The following GDAP1 variants were observed in gnomAD, a reference collection of about 807,000 sequenced individuals.
The protein encoded by GDAP1 is ganglioside-induced differentiation-associated protein 1.
GDAP1 carries 34 observed loss-of-function variants against 40.1 expected under a neutral mutation model. The ratio of observed to expected loss-of-function variants is 0.85; its 90% CI spans 0.64 to 1.13. GDAP1 has a LOEUF of 1.13. Among genes scored for constraint, GDAP1 ranks in the 50% most tolerant of loss-of-function variants. The pLI, the probability that GDAP1 is intolerant of heterozygous loss-of-function variation, is 0.00. For missense variants in GDAP1, 374 were observed against 433.7 expected, an observed-to-expected ratio of 0.86 and a Z score of 1.22; for synonymous variants, 170 against 157.4, an observed-to-expected ratio of 1.08 and a Z score of -0.60.
chr8:74,455,468 G>A (rs2131577787), intron 2 of GDAP1, among the ~76,000 whole-genome samples: 1 of 151,912 alleles, frequency 6.6e-6, no homozygotes, highest in East Asian at 1.9e-4. Flanking sequence ...ATATGTGAAA[G>A]GATATGACCC....
At chr8:74,403,268 A>G (rs1312459583) in intron 2 of GDAP1, among the ~76,000 whole-genome samples, 2 of 150,224 alleles carry the variant, frequency 1.3e-5, no homozygotes, top group African/African-American at 5.1e-5. Flanking sequence ...TGGAGTCTCC[A>G]TCCTACCAAT....
intron 2 of GDAP1, among the ~76,000 whole-genome samples, chr8:74,472,506 T>C (rs1392858823): frequency 1.3e-5 from 2 of 152,208 alleles, no homozygotes; most frequent in Non-Finnish European, 1.5e-5. Context: ...TTTTGAGCAA[T>C]TGCCACACTG....
intron 2 of GDAP1, among the ~76,000 whole-genome samples, chr8:74,439,519 T>C (rs1010758454): frequency 6.6e-6 from 1 of 152,036 alleles, no homozygotes; most frequent in Admixed American, 6.6e-5. Context: ...TTATAATAGG[T>C]CTTCATATCT....
chr8:74,373,383 C>T (rs1268800601), intron 2 of GDAP1, among the ~76,000 whole-genome samples: 5 of 152,280 alleles, frequency 3.3e-5, no homozygotes, highest in East Asian at 1.9e-4. Flanking sequence ...TTCTTCCTAT[C>T]GATGAGCATG....
chr8:74,386,129 T>G (rs1224279340), intron 2 of GDAP1, among the ~76,000 whole-genome samples: 3 of 152,212 alleles, frequency 2.0e-5, no homozygotes, highest in Non-Finnish European at 2.9e-5. Flanking sequence ...TTTTCTCCCA[T>G]TCTGTAGGTT....
intron 2 of GDAP1, among the ~76,000 whole-genome samples, chr8:74,353,629 A>G (rs936736569): frequency 2.0e-5 from 3 of 152,196 alleles, no homozygotes; most frequent in Non-Finnish European, 4.4e-5. Flanking sequence ...AACCCTTGCT[A>G]CTAATTGTAT....
At chr8:74,482,542 T>A (rs954590129) in intron 2 of GDAP1, among the ~76,000 whole-genome samples, 21 of 152,066 alleles carry the variant, frequency 1.4e-4, no homozygotes, top group Admixed American at 1.2e-3. Context: ...TGAAAAAAAA[T>A]GAAACAAAAA....
chr8:74,446,342 C>G (rs144849020), intron 2 of GDAP1, among the ~76,000 whole-genome samples: 1 of 152,068 alleles, frequency 6.6e-6, no homozygotes, highest in Non-Finnish European at 1.5e-5. Context: ...TTATGATGCA[C>G]GTTTTGCCTG....
intron 2 of GDAP1, among the ~76,000 whole-genome samples, chr8:74,485,677 T>C (rs1399912140): frequency 1.3e-5 from 2 of 152,046 alleles, no homozygotes; most frequent in Non-Finnish European, 2.9e-5. Context: ...AGAGAGAGGC[T>C]TGGTCTTCCA....
chr8:74,429,453 A>G (rs745791591), intron 2 of GDAP1, among the ~76,000 whole-genome samples: 1 of 152,246 alleles, frequency 6.6e-6, no homozygotes. Flanking sequence ...TACTACAGAC[A>G]GGGAAGGTTA....
intron 2 of GDAP1, among the ~76,000 whole-genome samples, chr8:74,396,715 A>G (rs1810206247): frequency 6.6e-6 from 1 of 152,160 alleles, no homozygotes; most frequent in Non-Finnish European, 1.5e-5. Flanking sequence ...ATAGTATTCC[A>G]TGGTGTATAT....
intron 2 of GDAP1, among the ~76,000 whole-genome samples, chr8:74,373,969 G>A (rs1253792122): frequency 1.3e-5 from 2 of 152,162 alleles, no homozygotes; most frequent in South Asian, 2.1e-4. Context: ...AGCATGAAGG[G>A]TTGTTGAATT....
intron 2 of GDAP1, among the ~76,000 whole-genome samples, chr8:74,380,200 C>T (rs1356509045): frequency 6.6e-6 from 1 of 152,096 alleles, no homozygotes; most frequent in Admixed American, 6.5e-5. Flanking sequence ...TTTTAGTCAT[C>T]AGAAACAAAA....
intron 2 of GDAP1, among the ~76,000 whole-genome samples, chr8:74,392,180 A>G (rs999714892): frequency 2.6e-5 from 4 of 152,204 alleles, no homozygotes; most frequent in Non-Finnish European, 4.4e-5. Flanking sequence ...AATCAGATCC[A>G]GTTATTTAGT....
intron 2 of GDAP1, among the ~76,000 whole-genome samples, chr8:74,372,900 G>A (rs1178374496): frequency 2.6e-5 from 4 of 152,116 alleles, no homozygotes; most frequent in African/African-American, 9.7e-5. Context: ...ATGGTTTTAG[G>A]TCTAACATTT....
chr8:74,387,088 G>A (rs1176911786), intron 2 of GDAP1, among the ~76,000 whole-genome samples: 3 of 152,190 alleles, frequency 2.0e-5, no homozygotes, highest in East Asian at 3.9e-4. Flanking sequence ...AGGCTGAGAC[G>A]ATGGGATTTT....
chr8:74,354,578 A>AATTCTTGTTTAATTTAGCT (rs1323581305), intron 2 of GDAP1, among the ~76,000 whole-genome samples: 7 of 152,248 alleles, frequency 4.6e-5, no homozygotes, highest in Middle Eastern at 3.2e-3. Flanking sequence ...AACAAGGCTA[A>AATTCTTGTTTAATTTAGCT]ATGTAAAATG....
intron 2 of GDAP1, among the ~76,000 whole-genome samples, chr8:74,481,607 C>T (rs940931457): frequency 2.0e-5 from 3 of 152,280 alleles, no homozygotes; most frequent in African/African-American, 7.2e-5. Flanking sequence ...ATAACAACTC[C>T]CTTTCTAATA....
chr8:74,372,309 C>G (rs374481975), intron 2 of GDAP1, among the ~76,000 whole-genome samples: 114 of 152,202 alleles, frequency 7.5e-4, no homozygotes, highest in Middle Eastern at 6.8e-3. Flanking sequence ...GGGTCAAATG[C>G]TATTTCTAGT....
Sources: gnomAD v4.1 joint callset for allele counts (sites outside exome capture counted in the v4.1 genomes callset) on GRCh38, gnomAD v4.1.1 for gene constraint, MANE v1.5 for transcripts, NCBI Gene and HGNC (gene_info 2026-07-23, HGNC 2026-07-21) for gene names.